RCAN2: variants seen among roughly 807,000 people sequenced by gnomAD.
RCAN2 encodes calcipressin-2.
In RCAN2, 9 loss-of-function variants were observed where a neutral mutation model predicts 23.6. The observed-to-expected ratio is 0.38, with a 90% confidence interval of 0.23 to 0.67. The LOEUF (loss-of-function observed/expected upper bound fraction) is 0.67, where lower values mean the gene tolerates loss of function less well. Among genes scored for constraint, RCAN2 ranks in the 30% least tolerant of loss-of-function variants. RCAN2 has a pLI of 0.51. For missense variants in RCAN2, 273 were observed against 302.3 expected (o/e 0.90, Z 0.72); for synonymous variants, 109 against 115.7 (o/e 0.94, Z 0.37).
At chr6:46,401,660 A>AT (rs1400357550) in intron 2 of RCAN2, among the ~76,000 whole-genome samples, 1 of 152,202 alleles carries the variant, frequency 6.6e-6, no homozygotes, top group African/African-American at 2.4e-5. Flanking sequence ...GCTAGCGTTA[A>AT]TTTAATGTCT....
At chr6:46,415,114 G>GAATGATATA (rs1766667923) in intron 2 of RCAN2, among the ~76,000 whole-genome samples, 1 of 152,150 alleles carries the variant, frequency 6.6e-6, no homozygotes, top group Admixed American at 6.5e-5. Flanking sequence ...TGGAGCAGAA[G>GAATGATATA]AATGATATAA....
chr6:46,247,722 C>T (rs942600463), intron 3 of RCAN2, among the ~76,000 whole-genome samples: 1 of 152,194 alleles, frequency 6.6e-6, no homozygotes, highest in African/African-American at 2.4e-5. Flanking sequence ...ATCATATGGA[C>T]ATACTATAAT....
rs572723137 is a variant in RCAN2, at chr6:46,279,498, C to T, written c.226-30602G>A. On this transcript the variant is annotated intron_variant, in intron 2 of 4. Coordinates refer to ENST00000371374, the MANE Select transcript of RCAN2 (RefSeq NM_001251974.2). Reference sequence around the variant, plus strand: ...TCCACTAAATGCCAGTAGCATCCCCCTAATTGTGACAACGTGTTTGCAGAT... The same window carrying T: ...TCCACTAAATGCCAGTAGCATCCCCTTAATTGTGACAACGTGTTTGCAGAT... Among the ~76,000 whole-genome samples the T allele has an allele frequency of 3.9e-5, 6 of 152,348 alleles. No homozygotes were observed. In the South Asian group the frequency reaches 1.2e-3, roughly 32 times the overall value.
intron 2 of RCAN2, among the ~76,000 whole-genome samples, chr6:46,408,213 G>T (rs1486995604): frequency 6.6e-6 from 1 of 152,104 alleles, no homozygotes; most frequent in Non-Finnish European, 1.5e-5. Context: ...CCTGCGGGCG[G>T]CTCCGACTGT....
chr6:46,225,771 C>T (rs1484830790), intron 4 of RCAN2, among the ~76,000 whole-genome samples: 8 of 152,178 alleles, frequency 5.3e-5, no homozygotes, highest in Non-Finnish European at 1.5e-5. Flanking sequence ...TTTTGCTGTG[C>T]AGAAGCTCTT....
chr6:46,346,878 T>C (rs1174452805), intron 2 of RCAN2, among the ~76,000 whole-genome samples: 1 of 151,678 alleles, frequency 6.6e-6, no homozygotes, highest in Non-Finnish European at 1.5e-5. Flanking sequence ...TTTTAATTAA[T>C]TTATTTATTT....
intron 2 of RCAN2, among the ~76,000 whole-genome samples, chr6:46,270,419 C>A (rs1767484879): frequency 6.6e-6 from 1 of 152,166 alleles, no homozygotes; most frequent in African/African-American, 2.4e-5. Flanking sequence ...TGGAGGGTTC[C>A]CCTCGGCTCT....
chr6:46,350,610 A>G (rs1764619182), intron 2 of RCAN2, among the ~76,000 whole-genome samples: 1 of 152,222 alleles, frequency 6.6e-6, no homozygotes, highest in African/African-American at 2.4e-5. Context: ...GCTTCTTTAC[A>G]TGCTGAGGCA....
At chr6:46,476,624 C>T (rs1489982013) in intron 1 of RCAN2, among the ~76,000 whole-genome samples, 3 of 152,268 alleles carry the variant, frequency 2.0e-5, no homozygotes, top group East Asian at 1.9e-4. Context: ...GTTCCTGGCT[C>T]ACAGCTCCTG....
chr6:46,478,690 T>G (rs1440066055), intron 1 of RCAN2, among the ~76,000 whole-genome samples: 1 of 152,210 alleles, frequency 6.6e-6, no homozygotes, highest in Non-Finnish European at 1.5e-5. Context: ...ATAAATATGC[T>G]GTCAGATACT....
chr6:46,443,359 C>T (rs899624464), intron 2 of RCAN2, among the ~76,000 whole-genome samples: 1 of 152,104 alleles, frequency 6.6e-6, no homozygotes, highest in Non-Finnish European at 1.5e-5. Context: ...GTCTTTGTTA[C>T]AGATCCCTAG....
At chr6:46,361,510 T>C (rs1257051711) in intron 2 of RCAN2, among the ~76,000 whole-genome samples, 1 of 152,244 alleles carries the variant, frequency 6.6e-6, no homozygotes, top group Non-Finnish European at 1.5e-5. Flanking sequence ...AGTATGTTGA[T>C]GCTGCATTGG....
chr6:46,480,776 T>G (rs1009479286), intron 1 of RCAN2, among the ~76,000 whole-genome samples: 2 of 152,090 alleles, frequency 1.3e-5, no homozygotes, highest in African/African-American at 4.8e-5. Flanking sequence ...CAGGCACCCA[T>G]CACCACACCC....
rs997229855 is a variant in RCAN2 at position 46,329,710 on chromosome 6, T to C, written c.226-80814A>G. Among the ~76,000 whole-genome samples the C allele has an allele frequency of 3.9e-5, 6 of 152,278 alleles. No homozygotes were observed. The East Asian group carries it at 7.7e-4, about 20-fold the overall frequency. On this transcript the variant is annotated intron_variant, in intron 2 of 4. Transcript: ENST00000371374. ...GAGCTGAGTCCTGGCTTAGCTCTGT[T>C]CAGGAGTGTCCTTTCCAGCTGAAGT...
chr6:46,415,016 T>C (rs1333248817), intron 2 of RCAN2, among the ~76,000 whole-genome samples: 2 of 152,198 alleles, frequency 1.3e-5, no homozygotes, highest in African/African-American at 2.4e-5. Flanking sequence ...TAGTGGTACA[T>C]AGTCCTGGAA....
At chr6:46,348,446 T>G (rs1764552138) in intron 2 of RCAN2, among the ~76,000 whole-genome samples, 1 of 152,128 alleles carries the variant, frequency 6.6e-6, no homozygotes, top group Non-Finnish European at 1.5e-5. Flanking sequence ...AAGCACATTT[T>G]GAGGAGCTTC....
intron 4 of RCAN2, among the ~76,000 whole-genome samples, chr6:46,226,202 T>C (rs1281254588): frequency 3.9e-5 from 6 of 152,196 alleles, no homozygotes; most frequent in Non-Finnish European, 7.3e-5. Context: ...TGTAGTATAG[T>C]TTGAAGTCAG....
intron 2 of RCAN2, among the ~76,000 whole-genome samples, chr6:46,345,676 C>T (rs943022943): frequency 6.6e-6 from 1 of 152,078 alleles, no homozygotes; most frequent in African/African-American, 2.4e-5. Flanking sequence ...CTCCCATTTT[C>T]TCATAGGTGT....
At chr6:46,383,456 G>C (rs1765663279) in intron 2 of RCAN2, among the ~76,000 whole-genome samples, 2 of 151,994 alleles carry the variant, frequency 1.3e-5, no homozygotes, top group Admixed American at 1.3e-4. Flanking sequence ...AATCTTTCTT[G>C]TTGGGCAAGA....
Sources: allele counts gnomAD v4.1 joint callset (sites outside exome capture counted in the v4.1 genomes callset), GRCh38; gene constraint gnomAD v4.1.1; transcripts MANE v1.5; gene names NCBI Gene and HGNC (gene_info 2026-07-23, HGNC 2026-07-21).